NSD2: variants seen among roughly 807,000 people sequenced by gnomAD.
NSD2 encodes the protein histone-lysine N-methyltransferase NSD2.
Under a neutral mutation model 139.0 loss-of-function variants are expected in NSD2, and 12 were observed. The ratio of observed to expected loss-of-function variants is 0.09; its 90% CI spans 0.06 to 0.14. NSD2 has a LOEUF of 0.14. Ranked by LOEUF, NSD2 falls within the 10% of genes least tolerant of loss-of-function variation. NSD2 has a pLI of 1.00. For synonymous variants in NSD2, 669 were observed against 648.7 expected (o/e 1.03, Z -0.48); for missense variants, 1,155 against 1,745.0 (o/e 0.66, Z 6.02).
chr4:1,969,541 TAA>T (rs35256815), intron 18 of NSD2, among the ~76,000 whole-genome samples: 8,233 of 132,560 alleles, frequency 0.062, 772 homozygotes, highest in African/African-American at 0.21. Flanking sequence ...TTGTCTCTAC[TAA>T]AAAAAAAAAA....
At chr4:1,975,242 T>C (rs1726949470) in intron 19 of NSD2, 52 bp from the exon 20 acceptor site, 1 of 1,571,988 alleles carries the variant, frequency 6.4e-7, no homozygotes, top group Non-Finnish European at 8.8e-7. Flanking sequence ...CCTTAGCTTT[T>C]GAAGAGAAAG....
intron 7 of NSD2, 120 bp downstream of exon 7, chr4:1,935,382 C>G (rs536844224): frequency 5.6e-6 from 4 of 718,728 alleles, no homozygotes; most frequent in Non-Finnish European, 9.4e-6. Context: ...CAGCTCCTTC[C>G]AGGCTGGTAT....
chr4:1,891,453 C>T (rs1560567025), intron 1 of NSD2, among the ~76,000 whole-genome samples: 1 of 152,182 alleles, frequency 6.6e-6, no homozygotes, highest in Non-Finnish European at 1.5e-5. Flanking sequence ...GTTGAGACCT[C>T]CTTCTGCTCA....
chr4:1,928,707 G>C (rs1223151167), intron 5 of NSD2, among the ~76,000 whole-genome samples: 1 of 152,152 alleles, frequency 6.6e-6, no homozygotes, highest in East Asian at 1.9e-4. Context: ...CTAACTGGGG[G>C]CTCTGGAGTC....
rs1016558323 is a variant in NSD2 at position 1,961,674 on chromosome 4, G to C, written c.3372+523G>C. On this transcript the variant is annotated intron_variant, in intron 18 of 21. Transcript: ENST00000508803. ...AGGATAGGAAGATTTGTGTAAAAGT[G>C]GGCATGGATAAAAGACAGTACATCT... is the stretch of plus-strand genomic sequence containing the variant. Among the ~76,000 whole-genome samples, 4 of 152,180 alleles carry C rather than the reference G, an allele frequency of 2.6e-5. No individual in the cohort carries two copies. The South Asian group carries it at 6.2e-4, about 24-fold the overall frequency.
At chr4:1,905,850 G>A (rs891783748) in intron 3 of NSD2, among the ~76,000 whole-genome samples, 15 of 152,168 alleles carry the variant, frequency 9.9e-5, no homozygotes, top group Non-Finnish European at 1.5e-4. Context: ...AAGGGGTTGC[G>A]GGAACCCCAG....
intron 9 of NSD2, chr4:1,944,706 A>G: frequency 9.4e-7 from 1 of 1,064,728 alleles, no homozygotes; most frequent in Non-Finnish European, 1.1e-6. Flanking sequence ...TTGTTTTTCT[A>G]AGACTGATCT....
At chr4:1,891,158 T>C (rs188313141) in intron 1 of NSD2, among the ~76,000 whole-genome samples, 29 of 152,322 alleles carry the variant, frequency 1.9e-4, no homozygotes, top group South Asian at 1.0e-3. Flanking sequence ...CCTCCCATAG[T>C]ACTGAGATTA....
intron 18 of NSD2, among the ~76,000 whole-genome samples, chr4:1,964,681 C>T (rs1047181033): frequency 2.0e-5 from 3 of 152,190 alleles, no homozygotes; most frequent in African/African-American, 7.2e-5. Context: ...CCCTCCCCCT[C>T]CAGCTGAAGT....
At chr4:1,943,956 T>C in intron 9 of NSD2, 1 of 1,064,768 alleles carries the variant, frequency 9.4e-7, no homozygotes, top group Non-Finnish European at 1.1e-6. Context: ...GTGCTCCCTC[T>C]ATATTATGGA....
At position 1,978,549 on chromosome 4, in the gene NSD2, C is replaced by T. The variant is rs1727373939; in HGVS notation, c.3827-89C>T. The T allele has an allele frequency of 2.0e-6, 3 of 1,517,022 alleles. No individual in the cohort carries two copies. In the South Asian group the frequency reaches 3.9e-5, roughly 20 times the overall value. The allele number at this position is 1,517,022 out of a possible 1,614,324, so 94.0% of individuals were successfully genotyped here. A position where few individuals can be genotyped will look rare whatever the true frequency, so the allele number is the denominator to read the frequency against. The stretch of plus-strand genomic sequence containing the variant: ...CAGCACTATTTTGTGTTCATTTGAC[C>T]TGACAGTTGTAAGTCATCTTCAACC... On this transcript the variant is annotated intron_variant, in intron 21 of 21. Transcript: ENST00000508803.
rs1375550389 is a variant in NSD2 at position 1,958,367 on chromosome 4, A to T, written c.2985+331A>T. Reference sequence around the variant, plus strand: ...AGGCTGTTGCCAAGTGCTGGGAGTCAGTCACATACGGCCAGGGCTCAGTGA... The same window carrying T: ...AGGCTGTTGCCAAGTGCTGGGAGTCTGTCACATACGGCCAGGGCTCAGTGA... On this transcript the variant is annotated intron_variant, in intron 16 of 21. Coordinates refer to ENST00000508803, the MANE Select transcript of NSD2 (RefSeq NM_001042424.3). This position sits in a 1 kb window ranked among gnomAD's most constrained non-coding sequence, Gnocchi z 4.6. Among the ~76,000 whole-genome samples, 1 of 152,252 alleles carries T rather than the reference A, an allele frequency of 6.6e-6. No homozygotes were observed. Among genetic ancestry groups the T allele is most frequent in the African/African-American group, 2.4e-5 (1 of 41,478 alleles).
chr4:1,942,020 C>G lies in NSD2; in HGVS notation c.1881+2242C>G, dbSNP rs1016607544. ...ACACACACCCATTGGGTCACACCCC[C>G]TTTGCATGTTTGTATTTCCTCCCTT... On this transcript the variant is annotated intron_variant, in intron 9 of 21. Coordinates refer to ENST00000508803, the MANE Select transcript of NSD2 (RefSeq NM_001042424.3). The surrounding 1 kb of genome is among the most constrained non-coding windows in gnomAD (Gnocchi z 4.0). 9.5e-6 allele frequency: 11 copies of G among 1,153,916 alleles called. No homozygotes were observed. In the South Asian group the frequency reaches 2.7e-4, roughly 28 times the overall value. The allele number at this position is 1,153,916 out of a possible 1,614,324, so 71.5% of individuals were successfully genotyped here.
intron 1 of NSD2, among the ~76,000 whole-genome samples, chr4:1,894,925 A>G (rs905782672): frequency 3.3e-5 from 5 of 152,186 alleles, no homozygotes; most frequent in African/African-American, 9.7e-5. Flanking sequence ...ACTCTGTCCC[A>G]TAATTCCCCA....
chr4:1,977,600 A>AC (rs1299282959), intron 21 of NSD2, among the ~76,000 whole-genome samples: 17 of 152,124 alleles, frequency 1.1e-4, no homozygotes, highest in African/African-American at 3.9e-4. Flanking sequence ...ACATGGTGAA[A>AC]CCCCGTCTCT....
chr4:1,873,912 A>C (rs1045675567), intron 1 of NSD2, among the ~76,000 whole-genome samples: 2 of 152,238 alleles, frequency 1.3e-5, no homozygotes, highest in East Asian at 3.9e-4. Flanking sequence ...TGCAGTGGCT[A>C]TTTCAGAGGA....
At chr4:1,888,715 C>T (rs1358694016) in intron 1 of NSD2, among the ~76,000 whole-genome samples, 2 of 151,458 alleles carry the variant, frequency 1.3e-5, no homozygotes, top group Non-Finnish European at 2.9e-5. Context: ...CAGGCGTGAA[C>T]CCACTGCGCC....
chr4:1,878,251 ATTTTTTTTTTTTTTTTTTT>A (rs71589624), intron 1 of NSD2, among the ~76,000 whole-genome samples: 9 of 29,310 alleles, frequency 3.1e-4, no homozygotes, highest in African/African-American at 1.3e-3. Flanking sequence ...ATATATATAT[ATTTTTTTTTTTTTTTTTTT>A]TTTTTTTTTT....
chr4:1,894,447 A>G (rs1715968677), intron 1 of NSD2, among the ~76,000 whole-genome samples: 1 of 151,964 alleles, frequency 6.6e-6, no homozygotes, highest in Admixed American at 6.6e-5. Flanking sequence ...CTGTAATCCT[A>G]CCACTTTGGG....
Sources: gnomAD v4.1 joint callset for allele counts (sites outside exome capture counted in the v4.1 genomes callset) on GRCh38, gnomAD v4.1.1 for gene constraint, Gnocchi (gnomAD v3.1) non-coding constraint, MANE v1.5 for transcripts, NCBI Gene and HGNC (gene_info 2026-07-23, HGNC 2026-07-21) for gene names.